The following SLC14A2 variants were observed in gnomAD, a reference collection of about 807,000 sequenced individuals.
SLC14A2 encodes the protein solute carrier family 14 member 2.
In SLC14A2, 91 loss-of-function variants were observed where a neutral mutation model predicts 104.6. That is an observed-to-expected ratio of 0.87 (90% CI 0.73 to 1.04). The LOEUF is 1.04. Among genes scored for constraint, SLC14A2 ranks in the 50% least tolerant of loss-of-function variants. SLC14A2 has a pLI of 0.00. For synonymous variants in SLC14A2, 476 were observed against 466.4 expected (o/e 1.02, Z -0.27); for missense variants, 1,189 against 1,156.0 (o/e 1.03, Z -0.41).
chr18:45,502,187 G>C (rs1315262779), intron 2 of SLC14A2, among the ~76,000 whole-genome samples: 1 of 152,202 alleles, frequency 6.6e-6, no homozygotes, highest in Non-Finnish European at 1.5e-5. Flanking sequence ...GAGAGATACA[G>C]ATATGGGAAG....
At chr18:45,586,596 G>A (rs1267906600) in intron 2 of SLC14A2, among the ~76,000 whole-genome samples, 1 of 152,212 alleles carries the variant, frequency 6.6e-6, no homozygotes, top group Non-Finnish European at 1.5e-5. Flanking sequence ...CAGTCCAGAT[G>A]ACACACAGTG....
At chr18:45,666,343 T>G in intron 12 of SLC14A2, 124 bp downstream of exon 12, 1 of 643,780 alleles carries the variant, frequency 1.6e-6, no homozygotes, top group East Asian at 2.6e-5. Context: ...GCATTCGTAT[T>G]TTCTGAAATG....
chr18:45,282,921 CA>C (rs772630609), intron 1 of SLC14A2, among the ~76,000 whole-genome samples: 5 of 151,976 alleles, frequency 3.3e-5, no homozygotes, highest in Admixed American at 6.6e-5. Flanking sequence ...TACTGAGTTT[CA>C]AAAGAATACA....
rs74352736 is a variant in SLC14A2 at position 45,386,125 on chromosome 18, G to C, written c.-124-97108G>C. On this transcript the variant is annotated intron_variant, in intron 1 of 20. Coordinates refer to the SLC14A2 transcript ENST00000586448. ...CAGCAGAGAGAAGAGCATAAGCCAAGTTATGGAGGTGAAAGTGATGGTGGT... is the reference window on the plus strand; with the variant it reads ...CAGCAGAGAGAAGAGCATAAGCCAACTTATGGAGGTGAAAGTGATGGTGGT... Among the ~76,000 whole-genome samples, 1,220 of 152,298 alleles carry C rather than the reference G, an allele frequency of 8.0e-3. 10 individuals carry two copies. Among genetic ancestry groups the C allele is most frequent in the Non-Finnish European group, 0.014 (930 of 68,024 alleles).
chr18:45,190,699 G>A, the SLC14A2 span, among the ~76,000 whole-genome samples: 6 of 152,090 alleles, frequency 3.9e-5, no homozygotes, highest in Non-Finnish European at 5.9e-5. Flanking sequence ...AGTCTACCCC[G>A]CCAGTTTAGT....
intron 2 of SLC14A2, among the ~76,000 whole-genome samples, chr18:45,535,170 G>A (rs773496136): frequency 6.6e-6 from 1 of 152,104 alleles, no homozygotes. Flanking sequence ...CTAGTCAGTC[G>A]CGTCTGGTGA....
intron 2 of SLC14A2, among the ~76,000 whole-genome samples, chr18:45,605,382 C>T (rs758423313): frequency 1.4e-4 from 21 of 152,132 alleles, no homozygotes; most frequent in Non-Finnish European, 7.4e-5. Flanking sequence ...AATATAACCC[C>T]CTCTGGAGAA....
intron 2 of SLC14A2, chr18:45,528,982 T>C (rs1019630777): frequency 2.0e-5 from 3 of 152,232 alleles, no homozygotes; most frequent in African/African-American, 7.2e-5. Context: ...AAGCATAGGC[T>C]AGACTTCTGA....
chr18:45,327,041 TCCAG>T (rs35693942), intron 1 of SLC14A2, among the ~76,000 whole-genome samples: 8 of 151,960 alleles, frequency 5.3e-5, no homozygotes, highest in African/African-American at 7.2e-5. Context: ...CATCCATCCA[TCCAG>T]CCAGCCAGCC....
Position 45,643,112 on chromosome 18 carries a change from T to C in SLC14A2, c.1127-20T>C, listed in dbSNP as rs935600968. The C allele has an allele frequency of 1.9e-6, 3 of 1,613,864 alleles. No homozygotes were observed. Among genetic ancestry groups the C allele is most frequent in the Non-Finnish European group, 2.5e-6 (3 of 1,179,746 alleles). On this transcript the variant is annotated intron_variant, in intron 8 of 19. Transcript: ENST00000255226. ...GAAGGCCCTGGGAAGCTCACTCTGG[T>C]GATCCTTGTTCCTCCACAGCCCTGT...
At chr18:45,472,636 GC>G (rs1337739432) in intron 1 of SLC14A2, among the ~76,000 whole-genome samples, 2 of 152,150 alleles carry the variant, frequency 1.3e-5, no homozygotes, top group African/African-American at 4.8e-5. Flanking sequence ...GTGATGATGA[GC>G]TTTTTTTCAT....
At chr18:45,287,561 T>C (rs1312559870) in intron 1 of SLC14A2, among the ~76,000 whole-genome samples, 1 of 152,112 alleles carries the variant, frequency 6.6e-6, no homozygotes, top group Non-Finnish European at 1.5e-5. Flanking sequence ...CTTTCCTCTC[T>C]CAAGTTCTGA....
In SLC14A2 at chr18:45,299,960, T is replaced by C. The variant is rs551566707; in HGVS notation, c.-125+86769T>C. Reference sequence around the variant, plus strand: ...GGTGAAGACATGCAAGGGGGTGATATTTTAGTTATTTGGCTGGTAATTAGG... The same window carrying C: ...GGTGAAGACATGCAAGGGGGTGATACTTTAGTTATTTGGCTGGTAATTAGG... On this transcript the variant is annotated intron_variant, in intron 1 of 20. Transcript: ENST00000586448. Among the ~76,000 whole-genome samples the C allele has an allele frequency of 2.6e-5, 4 of 152,194 alleles. No homozygotes were observed. The South Asian group carries it at 8.3e-4, about 32-fold the overall frequency.
chr18:45,358,645 A>G (rs933711618), intron 1 of SLC14A2, among the ~76,000 whole-genome samples: 3 of 152,144 alleles, frequency 2.0e-5, no homozygotes, highest in African/African-American at 4.8e-5. Flanking sequence ...TGACATAATT[A>G]TAGCTCACTG....
intron 1 of SLC14A2, among the ~76,000 whole-genome samples, chr18:45,285,667 C>CG (rs1307955537): frequency 2.1e-5 from 2 of 93,224 alleles, no homozygotes; most frequent in Non-Finnish European, 3.9e-5. Flanking sequence ...ATCTGCCCCC[C>CG]CCCCCCCTCG....
intron 1 of SLC14A2, among the ~76,000 whole-genome samples, chr18:45,324,011 G>A (rs1434146260): frequency 1.3e-5 from 2 of 152,214 alleles, no homozygotes; most frequent in Admixed American, 6.5e-5. Flanking sequence ...AAGAGAAAAT[G>A]TGAAAGAGAC....
At chr18:45,366,730 G>T (rs1322075830) in intron 1 of SLC14A2, among the ~76,000 whole-genome samples, 1 of 152,156 alleles carries the variant, frequency 6.6e-6, no homozygotes, top group Non-Finnish European at 1.5e-5. Flanking sequence ...TGCTTACCTG[G>T]AGTATGTCTC....
intron 2 of SLC14A2, among the ~76,000 whole-genome samples, chr18:45,540,101 A>G (rs1360502681): frequency 6.6e-6 from 1 of 151,550 alleles, no homozygotes; most frequent in African/African-American, 2.4e-5. Flanking sequence ...AATCCTGGGC[A>G]CTTTGTGCCT....
chr18:45,345,308 T>C (rs1288161182), intron 1 of SLC14A2, among the ~76,000 whole-genome samples: 1 of 152,194 alleles, frequency 6.6e-6, no homozygotes, highest in Non-Finnish European at 1.5e-5. Flanking sequence ...TAAAATACAT[T>C]ATTGAGAATT....
Sources: gnomAD v4.1 joint callset for allele counts (sites outside exome capture counted in the v4.1 genomes callset) on GRCh38, gnomAD v4.1.1 for gene constraint, MANE v1.5 for transcripts, NCBI Gene and HGNC (gene_info 2026-07-23, HGNC 2026-07-21) for gene names.